Variants in EYS observed in about 807,000 individuals in gnomAD.
EYS encodes protein eyes shut homolog.
A neutral mutation model predicts 282.1 loss-of-function variants in EYS; 250 were observed. The observed-to-expected ratio is 0.89, with a 90% CI of 0.80 to 0.98. EYS has a LOEUF of 0.98. Ranked by LOEUF, EYS falls within the 50% of genes least tolerant of loss-of-function variation. EYS has a pLI of 0.00. For synonymous variants in EYS, 1,355 were observed against 1,282.9 expected (o/e 1.06, Z -1.20); for missense variants, 4,016 against 3,709.0 (o/e 1.08, Z -2.15).
chr6:64,513,607 T>A (rs1777472333), intron 26 of EYS, among the ~76,000 whole-genome samples: 1 of 151,848 alleles, frequency 6.6e-6, no homozygotes, highest in Admixed American at 6.6e-5. Context: ...AAATTCCTCA[T>A]GCCAAGGCAA....
intron 12 of EYS, among the ~76,000 whole-genome samples, chr6:65,231,111 G>GTATTTATATATATATTCTTTTATATA (rs1562037919): frequency 9.9e-6 from 1 of 101,190 alleles, no homozygotes; most frequent in Non-Finnish European, 2.0e-5. Context: ...TTATATATAT[G>GTATTTATATATATATTCTTTTATATA]TATTTATATA....
chr6:65,686,875 T>C (rs974996505), intron 1 of EYS, among the ~76,000 whole-genome samples: 2 of 151,942 alleles, frequency 1.3e-5, no homozygotes, highest in Admixed American at 6.6e-5. Flanking sequence ...CATTGGAAGC[T>C]AGAATTGATG....
chr6:64,275,577 C>T (rs555390426), intron 30 of EYS, among the ~76,000 whole-genome samples: 4 of 151,562 alleles, frequency 2.6e-5, no homozygotes, highest in African/African-American at 7.3e-5. Context: ...CCACCACGCC[C>T]GGCTAATTTT....
intron 22 of EYS, among the ~76,000 whole-genome samples, chr6:64,809,940 C>G (rs1338736274): frequency 6.6e-6 from 1 of 151,936 alleles, no homozygotes; most frequent in Non-Finnish European, 1.5e-5. Context: ...CTATAACATA[C>G]CTGTGTATGT....
At position 64,997,313 on chromosome 6, in the gene EYS, A is replaced by G. The variant is rs376823015; in HGVS notation, c.2259+269T>C. On this transcript the variant is annotated intron_variant, in intron 14 of 42. Transcript: ENST00000503581. ...AATTCTGAAATTTTACACAAATTCAATATTGCCACAAGTTGTGAATCCAAT... is the reference window on the plus strand; with the variant it reads ...AATTCTGAAATTTTACACAAATTCAGTATTGCCACAAGTTGTGAATCCAAT... Among the ~76,000 whole-genome samples, 28 of 152,316 alleles carry G rather than the reference A, an allele frequency of 1.8e-4. No individual in the cohort carries two copies. The East Asian group carries it at 3.5e-3, about 19-fold the overall frequency.
At chr6:64,422,616 G>A (rs890794065) in intron 28 of EYS, among the ~76,000 whole-genome samples, 19 of 152,064 alleles carry the variant, frequency 1.2e-4, no homozygotes, top group Non-Finnish European at 2.6e-4. Context: ...ATCCTGTTTT[G>A]CTTTTTTTAT....
At chr6:64,315,146 C>A (rs1009762961) in intron 29 of EYS, among the ~76,000 whole-genome samples, 1 of 152,144 alleles carries the variant, frequency 6.6e-6, no homozygotes, top group African/African-American at 2.4e-5. Flanking sequence ...ACTATAAACA[C>A]CTCTACACAA....
At chr6:63,727,907 C>T (rs1415540969) in intron 41 of EYS, among the ~76,000 whole-genome samples, 3 of 145,960 alleles carry the variant, frequency 2.1e-5, no homozygotes, top group Admixed American at 6.9e-5. Flanking sequence ...GCTTGGGCGA[C>T]GGAGTGGGAC....
chr6:63,881,601 C>T (rs756656895), intron 35 of EYS, among the ~76,000 whole-genome samples: 9 of 152,096 alleles, frequency 5.9e-5, no homozygotes, highest in African/African-American at 1.4e-4. Context: ...TACTTAAATA[C>T]GTTTTTTTCC....
intron 33 of EYS, among the ~76,000 whole-genome samples, chr6:64,009,975 C>T (rs543506093): frequency 6.6e-6 from 1 of 151,496 alleles, no homozygotes; most frequent in Non-Finnish European, 1.5e-5. Flanking sequence ...AAAGTGGGTT[C>T]AGTTAACTGG....
intron 42 of EYS, among the ~76,000 whole-genome samples, chr6:63,726,214 C>A (rs1768607786): frequency 6.6e-6 from 1 of 152,056 alleles, no homozygotes; most frequent in Non-Finnish European, 1.5e-5. Flanking sequence ...CTTTTATATG[C>A]ATATTTTGTC....
At chr6:64,557,025 C>G (rs1330476670) in intron 26 of EYS, among the ~76,000 whole-genome samples, 1 of 151,678 alleles carries the variant, frequency 6.6e-6, no homozygotes, top group South Asian at 2.1e-4. Context: ...ATTATTTGTT[C>G]CACTAAGCTG....
At chr6:65,657,364 C>A (rs1432957213) in intron 1 of EYS, among the ~76,000 whole-genome samples, 3 of 151,918 alleles carry the variant, frequency 2.0e-5, no homozygotes, top group Middle Eastern at 3.4e-3. Flanking sequence ...GGAAAAGATT[C>A]ACCATTCTAA....
intron 22 of EYS, among the ~76,000 whole-genome samples, chr6:64,685,342 G>T (rs1189592868): frequency 6.6e-6 from 1 of 152,172 alleles, no homozygotes; most frequent in Non-Finnish European, 1.5e-5. Context: ...TACAGAAGTT[G>T]TGAATTAAAT....
At chr6:65,317,050 A>G (rs575045784) in intron 11 of EYS, among the ~76,000 whole-genome samples, 76 of 152,326 alleles carry the variant, frequency 5.0e-4, no homozygotes, top group African/African-American at 1.6e-3. Context: ...TATATTTATA[A>G]CTATGATTTC....
At chr6:63,754,966 C>T (rs1458169046) in intron 41 of EYS, among the ~76,000 whole-genome samples, 4 of 152,118 alleles carry the variant, frequency 2.6e-5, no homozygotes, top group Non-Finnish European at 4.4e-5. Context: ...TTTTATATGT[C>T]TGTTGGCTGC....
At chr6:65,229,520 G>GA (rs932779055) in intron 12 of EYS, among the ~76,000 whole-genome samples, 54 of 147,096 alleles carry the variant, frequency 3.7e-4, no homozygotes, top group Middle Eastern at 3.5e-3. Flanking sequence ...CGAAGTTACA[G>GA]AAAAAAAAAA....
chr6:64,081,318 A>G (rs1406496379), intron 32 of EYS, among the ~76,000 whole-genome samples: 2 of 152,212 alleles, frequency 1.3e-5, no homozygotes, highest in African/African-American at 4.8e-5. Flanking sequence ...CTGCTTATAG[A>G]GACCTTTATG....
At chr6:64,931,629 A>G (rs539026663) in intron 15 of EYS, among the ~76,000 whole-genome samples, 1 of 152,234 alleles carries the variant, frequency 6.6e-6, no homozygotes, top group South Asian at 2.1e-4. Flanking sequence ...TATATTTTTG[A>G]AAACAAGATC....
Sources: allele counts gnomAD v4.1 joint callset (sites outside exome capture counted in the v4.1 genomes callset), GRCh38; gene constraint gnomAD v4.1.1; transcripts MANE v1.5; gene names NCBI Gene and HGNC (gene_info 2026-07-23, HGNC 2026-07-21).